Variants in ZYG11B observed in about 807,000 individuals in gnomAD.
ZYG11B encodes the protein protein zyg-11 homolog B.
A neutral mutation model predicts 82.4 loss-of-function variants in ZYG11B; 36 were observed. The ratio of observed to expected loss-of-function variants is 0.44; its 90% CI spans 0.33 to 0.58. The LOEUF (loss-of-function observed/expected upper bound fraction) is 0.58. Ranked by LOEUF, ZYG11B falls within the 20% of genes least tolerant of loss-of-function variation. The pLI, the probability that ZYG11B is intolerant of heterozygous loss-of-function variation, is 0.02. For missense variants in ZYG11B, 552 were observed against 895.6 expected (o/e 0.62, Z 4.90); for synonymous variants, 303 against 312.8 (o/e 0.97, Z 0.33).
chr1:52,776,824 A>G (rs958229412), intron 3 of ZYG11B, among the ~76,000 whole-genome samples: 1 of 152,152 alleles, frequency 6.6e-6, no homozygotes, highest in African/African-American at 2.4e-5. Context: ...AATTTTATTA[A>G]ATACCCATTT....
At chr1:52,811,874 C>CA (rs1281400681) in intron 10 of ZYG11B, among the ~76,000 whole-genome samples, 1 of 151,952 alleles carries the variant, frequency 6.6e-6, no homozygotes, top group Admixed American at 6.6e-5. Flanking sequence ...ACTAAAAATA[C>CA]AAAAAAATTA....
In ZYG11B at chr1:52,821,699, C is replaced by T. The variant is rs1645285694; in HGVS notation, c.*70C>T. 6.9e-7 allele frequency: 1 copy of T among 1,443,796 alleles called. No individual in the cohort carries two copies. The highest frequency in any genetic ancestry group is 9.4e-7 in the Non-Finnish European group (1 of 1,060,718). 89.4% of individuals were successfully genotyped at this position (1,443,796 alleles called of 1,614,324 possible). On this transcript the variant is annotated 3_prime_UTR_variant, in exon 14 of 14. Transcript: ENST00000294353. Reference sequence around the variant, plus strand: ...GATTGGTCCATTTGGAATATCTTACCCTCCCTGATGTTTTGGGGGTTTCTA... The same window carrying T: ...GATTGGTCCATTTGGAATATCTTACTCTCCCTGATGTTTTGGGGGTTTCTA...
chr1:52,751,993 TCTC>T (rs1644529692), intron 1 of ZYG11B, among the ~76,000 whole-genome samples: 1 of 151,636 alleles, frequency 6.6e-6, no homozygotes, highest in Admixed American at 6.6e-5. Context: ...ACGGAGCAAT[TCTC>T]CTATTCTCAG....
intron 1 of ZYG11B, among the ~76,000 whole-genome samples, chr1:52,727,577 A>G (rs1472725321): frequency 2.6e-5 from 4 of 152,140 alleles, no homozygotes; most frequent in African/African-American, 7.2e-5. Context: ...AAGCTTGGCT[A>G]TTATTACTAA....
chr1:52,788,986 T>C (rs1644934975), intron 5 of ZYG11B, among the ~76,000 whole-genome samples: 1 of 152,196 alleles, frequency 6.6e-6, no homozygotes, highest in Non-Finnish European at 1.5e-5. Context: ...TGCCAGATTA[T>C]GATTCAGATT....
In ZYG11B at chr1:52,817,444, T is replaced by G. The variant is rs181878685; in HGVS notation, c.2044+815T>G. Among the ~76,000 whole-genome samples, 76 of 152,086 alleles carry G rather than the reference T, an allele frequency of 5.0e-4. No individual in the cohort carries two copies. The East Asian group carries it at 0.012, about 24-fold the overall frequency. ...TCTGTCTCTATCACTGGAGCTGGAGTGCAGTGGCATAGTAACAGCTCACTG... is the reference window on the plus strand; with the variant it reads ...TCTGTCTCTATCACTGGAGCTGGAGGGCAGTGGCATAGTAACAGCTCACTG... On this transcript the variant is annotated intron_variant, in intron 13 of 13. Transcript: ENST00000294353.
intron 1 of ZYG11B, among the ~76,000 whole-genome samples, chr1:52,733,814 C>G (rs563080913): frequency 1.4e-4 from 22 of 152,226 alleles, no homozygotes; most frequent in Non-Finnish European, 8.8e-5. Context: ...ATTCAGTGTT[C>G]AGATTAAGTT....
chr1:52,820,205 C>T (rs960523209), intron 13 of ZYG11B, among the ~76,000 whole-genome samples: 2 of 151,718 alleles, frequency 1.3e-5, no homozygotes, highest in Non-Finnish European at 2.9e-5. Context: ...TGAGCCACCA[C>T]GCCCAGCCCC....
At chr1:52,767,886 C>T (rs897869347) in intron 2 of ZYG11B, among the ~76,000 whole-genome samples, 3 of 152,136 alleles carry the variant, frequency 2.0e-5, no homozygotes, top group Admixed American at 6.6e-5. Flanking sequence ...AGAACTTCAT[C>T]GCTGCTTGAT....
chr1:52,817,789 A>G (rs1219098984), intron 13 of ZYG11B, among the ~76,000 whole-genome samples: 804 of 32,630 alleles, frequency 0.025, 49 homozygotes, highest in East Asian at 0.14. Flanking sequence ...ATATATATAT[A>G]TATATATATA....
At chr1:52,738,948 A>G (rs779434841) in intron 1 of ZYG11B, among the ~76,000 whole-genome samples, 52 of 140,528 alleles carry the variant, frequency 3.7e-4, no homozygotes, top group Non-Finnish European at 3.0e-4. Context: ...TCTTGGTTAT[A>G]TAACATTTAT....
At chr1:52,792,304 G>A (rs774785864) in intron 6 of ZYG11B, among the ~76,000 whole-genome samples, 4 of 152,138 alleles carry the variant, frequency 2.6e-5, no homozygotes, top group Admixed American at 6.6e-5. Context: ...AATGCATTGT[G>A]CCCCCACACA....
chr1:52,808,125 G>A (rs961375251), intron 10 of ZYG11B, among the ~76,000 whole-genome samples: 1 of 152,168 alleles, frequency 6.6e-6, no homozygotes, highest in Non-Finnish European at 1.5e-5. Flanking sequence ...CACTTTGGGA[G>A]GCCAAGGCGG....
intron 3 of ZYG11B, among the ~76,000 whole-genome samples, chr1:52,773,419 A>T (rs1644772018): frequency 6.7e-6 from 1 of 149,810 alleles, no homozygotes; most frequent in Admixed American, 6.7e-5. Flanking sequence ...AGTTGCAGAG[A>T]GCCAAGATTG....
At chr1:52,794,667 CAAAG>C (rs1238848523) in intron 6 of ZYG11B, among the ~76,000 whole-genome samples, 1 of 152,128 alleles carries the variant, frequency 6.6e-6, no homozygotes, top group Non-Finnish European at 1.5e-5. Flanking sequence ...ATCAATGTGT[CAAAG>C]AAACCACCTC....
At chr1:52,799,435 C>T (rs544465817) in intron 8 of ZYG11B, among the ~76,000 whole-genome samples, 1 of 149,440 alleles carries the variant, frequency 6.7e-6, no homozygotes, top group South Asian at 2.1e-4. Flanking sequence ...TCCAATGAGC[C>T]GAGATAATGC....
At chr1:52,819,863 G>A (rs539562049) in intron 13 of ZYG11B, among the ~76,000 whole-genome samples, 4 of 151,384 alleles carry the variant, frequency 2.6e-5, no homozygotes, top group Non-Finnish European at 5.9e-5. Flanking sequence ...TTAGGTATTA[G>A]AGTTATTTAG....
At chr1:52,810,576 A>C (rs1026252246) in intron 10 of ZYG11B, among the ~76,000 whole-genome samples, 3 of 152,230 alleles carry the variant, frequency 2.0e-5, no homozygotes, top group African/African-American at 7.2e-5. Flanking sequence ...TTTTCCATCC[A>C]GTAAAGGACA....
chr1:52,821,087 C>G (rs1258375809), intron 13 of ZYG11B, among the ~76,000 whole-genome samples: 3 of 137,844 alleles, frequency 2.2e-5, no homozygotes, highest in Non-Finnish European at 4.6e-5. Context: ...AAGACTCTGT[C>G]TAAAAAAAAA....
Sources: gnomAD v4.1 joint callset for allele counts (sites outside exome capture counted in the v4.1 genomes callset) on GRCh38, gnomAD v4.1.1 for gene constraint, MANE v1.5 for transcripts, NCBI Gene and HGNC (gene_info 2026-07-23, HGNC 2026-07-21) for gene names.